Variants in PUM2 observed in about 807,000 individuals in gnomAD.
PUM2 encodes the protein pumilio homolog 2.
In PUM2, 57 loss-of-function variants were observed where a neutral mutation model predicts 124.5. The ratio of observed to expected loss-of-function variants is 0.46; its 90% CI spans 0.37 to 0.57. The LOEUF (loss-of-function observed/expected upper bound fraction) is 0.57, where lower values mean the gene tolerates loss of function less well. PUM2 is among the 20% of genes least tolerant of loss of function. The pLI is 0.00. For synonymous variants in PUM2, 460 were observed against 446.1 expected (o/e 1.03, Z -0.39); for missense variants, 1,065 against 1,290.6 (o/e 0.83, Z 2.68).
intron 10 of PUM2, among the ~76,000 whole-genome samples, chr2:20,285,515 A>C (rs1176811721): frequency 6.6e-6 from 1 of 152,112 alleles, no homozygotes; most frequent in Admixed American, 6.5e-5. Context: ...ATGGGGGTTC[A>C]AACTCCTCAG....
chr2:20,332,177 G>C (rs1457345981), intron 1 of PUM2, among the ~76,000 whole-genome samples: 1 of 151,952 alleles, frequency 6.6e-6, no homozygotes, highest in African/African-American at 2.4e-5. Flanking sequence ...TTTCTCTCTT[G>C]ACTGCTCCCC....
intron 7 of PUM2, among the ~76,000 whole-genome samples, chr2:20,302,028 G>A (rs1364372200): frequency 1.3e-5 from 2 of 152,148 alleles, no homozygotes; most frequent in Non-Finnish European, 2.9e-5. Context: ...ACACAGGTCT[G>A]TACATTACTA....
intron 10 of PUM2, among the ~76,000 whole-genome samples, chr2:20,284,156 G>C (rs929128730): frequency 1.3e-5 from 2 of 152,176 alleles, no homozygotes; most frequent in African/African-American, 4.8e-5. Context: ...TAAGTATTTT[G>C]TTAATTCTCC....
intron 3 of PUM2, 33 bp from the exon 4 acceptor site, chr2:20,312,456 AT>A: frequency 6.4e-7 from 1 of 1,559,240 alleles, no homozygotes. Context: ...TTATATACTT[AT>A]ACTTTTAAGT....
At chr2:20,295,714 A>G (rs1186221545) in intron 8 of PUM2, among the ~76,000 whole-genome samples, 2 of 152,236 alleles carry the variant, frequency 1.3e-5, no homozygotes, top group African/African-American at 2.4e-5. Flanking sequence ...TCTATTCATA[A>G]CATCTACCTA....
intron 7 of PUM2, among the ~76,000 whole-genome samples, chr2:20,300,499 G>T (rs1341136277): frequency 1.3e-5 from 2 of 152,070 alleles, no homozygotes; most frequent in Non-Finnish European, 2.9e-5. Flanking sequence ...CCATTCAGAT[G>T]GTTGCTGGGG....
At position 20,265,467 on chromosome 2, in the gene PUM2, T is replaced by C. The variant is rs112375350; in HGVS notation, c.1958-2007A>G. ...TATTTCTAACTGTTCGTAACAATAA[T>C]TGATCACTAGCCCATCTGATTCTTT... is the stretch of plus-strand genomic sequence containing the variant. On this transcript the variant is annotated intron_variant, in intron 13 of 20. Transcript: ENST00000361078. Among the ~76,000 whole-genome samples the C allele has an allele frequency of 1.6e-3, 239 of 152,338 alleles. 1 individual carries two copies. Among genetic ancestry groups the C allele is most frequent in the Non-Finnish European group, 2.9e-3 (200 of 68,036 alleles).
At chr2:20,288,365 TAC>T (rs1034906249) in intron 10 of PUM2, among the ~76,000 whole-genome samples, 8 of 152,156 alleles carry the variant, frequency 5.3e-5, no homozygotes, top group African/African-American at 1.9e-4. Context: ...TAAAAAAAGA[TAC>T]AGAGGAAATT....
chr2:20,300,680 C>G (rs1676754392), intron 7 of PUM2, among the ~76,000 whole-genome samples: 1 of 151,788 alleles, frequency 6.6e-6, no homozygotes, highest in Non-Finnish European at 1.5e-5. Context: ...GAAAATAAAT[C>G]TCCCGAAAAT....
At chr2:20,299,072 T>C (rs1348464661) in intron 7 of PUM2, among the ~76,000 whole-genome samples, 4 of 152,182 alleles carry the variant, frequency 2.6e-5, no homozygotes, top group African/African-American at 4.8e-5. Flanking sequence ...AAGTAAGTGT[T>C]CTATGAGGCA....
At chr2:20,281,893 A>G (rs1214123538) in intron 12 of PUM2, among the ~76,000 whole-genome samples, 1 of 152,240 alleles carries the variant, frequency 6.6e-6, no homozygotes, top group Non-Finnish European at 1.5e-5. Flanking sequence ...ATGAATGATA[A>G]AAGTTCAGAA....
At chr2:20,325,429 TC>T (rs1170571445) in intron 2 of PUM2, among the ~76,000 whole-genome samples, 2 of 152,276 alleles carry the variant, frequency 1.3e-5, no homozygotes, top group South Asian at 2.1e-4. Context: ...AGCTACTCTT[TC>T]CCCCAAATAA....
At chr2:20,267,320 TG>T in intron 13 of PUM2, among the ~76,000 whole-genome samples, 2 of 152,214 alleles carry the variant, frequency 1.3e-5, no homozygotes, top group Middle Eastern at 3.4e-3. Context: ...GCCACCACGC[TG>T]GCCCACTTGC....
At chr2:20,337,863 T>C (rs544178402) in intron 1 of PUM2, among the ~76,000 whole-genome samples, 2 of 152,280 alleles carry the variant, frequency 1.3e-5, no homozygotes, top group Admixed American at 6.5e-5. Context: ...AGAAATTTTA[T>C]TGAGCACCCC....
At chr2:20,350,853 C>G, upstream of PUM2, 1 of 958,474 alleles carries the variant, frequency 1.0e-6, no homozygotes, top group Non-Finnish European at 1.2e-6. Flanking sequence ...CTCCCCCCCG[C>G]CCACCGGGCG....
In PUM2 at chr2:20,249,268, A is replaced by T. The variant is rs1009710316; in HGVS notation, c.*2317T>A. On this transcript the variant is annotated 3_prime_UTR_variant, in exon 21 of 21. Coordinates refer to ENST00000361078, the MANE Select transcript of PUM2 (RefSeq NM_015317.5). The stretch of plus-strand genomic sequence containing the variant: ...ACAGGAAAGCCATTACCAATCTCCA[A>T]CATGACAGCTTTGATCCTGAAACCA... The T allele has an allele frequency of 6.6e-6, 1 of 152,356 alleles. No homozygotes were observed. The highest frequency in any genetic ancestry group is 2.4e-5 in the African/African-American group (1 of 41,474). 9.4% of individuals were successfully genotyped at this position (152,356 alleles called of 1,614,324 possible). A position where few individuals can be genotyped will look rare whatever the true frequency, so the allele number is the denominator to read the frequency against.
chr2:20,292,554 G>A (rs1674426438), intron 9 of PUM2, among the ~76,000 whole-genome samples: 2 of 151,980 alleles, frequency 1.3e-5, no homozygotes, highest in Admixed American at 1.3e-4. Context: ...TAGAGACGGG[G>A]TTTCACCATT....
rs369929731 is a variant in PUM2, at chr2:20,261,112, C to T, written c.2226-646G>A. ...TCAGTTTATAAAAGTATAGTATGGC[C>T]GGGTGCAGTGGCTCACGCATGTAAT... On this transcript the variant is annotated intron_variant, in intron 14 of 20. Coordinates refer to ENST00000361078, the MANE Select transcript of PUM2 (RefSeq NM_015317.5). Among the ~76,000 whole-genome samples, 51 of 152,082 alleles carry T rather than the reference C, an allele frequency of 3.4e-4. No individual in the cohort carries two copies. In the South Asian group the frequency reaches 1.0e-2, roughly 30 times the overall value.
intron 12 of PUM2, among the ~76,000 whole-genome samples, chr2:20,281,408 G>A (rs1028898729): frequency 6.6e-6 from 1 of 152,144 alleles, no homozygotes; most frequent in Non-Finnish European, 1.5e-5. Context: ...TAGGGGCCTA[G>A]AAATCTGAAC....
Sources: gnomAD v4.1 joint callset for allele counts (sites outside exome capture counted in the v4.1 genomes callset) on GRCh38, gnomAD v4.1.1 for gene constraint, MANE v1.5 for transcripts, NCBI Gene and HGNC (gene_info 2026-07-23, HGNC 2026-07-21) for gene names.